SLC36A1: variants seen among roughly 807,000 people sequenced by gnomAD.
The protein encoded by SLC36A1 is proton-coupled amino acid transporter 1.
A neutral mutation model predicts 47.5 loss-of-function variants in SLC36A1; 30 were observed. The ratio of observed to expected loss-of-function variants is 0.63; its 90% CI spans 0.47 to 0.86. The LOEUF (loss-of-function observed/expected upper bound fraction) is 0.86. SLC36A1 is among the 40% of genes least tolerant of loss of function. The pLI is 0.00. For missense variants in SLC36A1, 517 were observed against 606.0 expected (o/e 0.85, Z 1.54); for synonymous variants, 255 against 249.7 (o/e 1.02, Z -0.20).
At chr5:151,392,559 A>G in the SLC36A1 span, among the ~76,000 whole-genome samples, 11 of 152,184 alleles carry the variant, frequency 7.2e-5, no homozygotes, top group Non-Finnish European at 1.3e-4. Flanking sequence ...ATTTCCCTCT[A>G]CACTCTGCCT....
chr5:151,510,834 A>C, the SLC36A1 span: 1 of 152,396 alleles, frequency 6.6e-6, no homozygotes, highest in African/African-American at 2.4e-5. Context: ...GCGGAAGAGA[A>C]GAGTGCGTGC....
intron 4 of SLC36A1, 128 bp downstream of exon 4, chr5:151,464,730 A>G: frequency 1.3e-6 from 1 of 785,902 alleles, no homozygotes; most frequent in East Asian, 2.7e-5. Flanking sequence ...GCAGCTTATG[A>G]TTGCAGCGTT....
chr5:151,375,311 A>G, the SLC36A1 span, among the ~76,000 whole-genome samples: 2 of 152,136 alleles, frequency 1.3e-5, no homozygotes, highest in African/African-American at 2.4e-5. Context: ...ATTTATTGAA[A>G]AGGGTATCCT....
chr5:151,521,803 T>C, the SLC36A1 span: 1 of 1,614,146 alleles, frequency 6.2e-7, no homozygotes, highest in Non-Finnish European at 8.5e-7. Context: ...GAACGAGTAG[T>C]GGCCACGAGG....
At chr5:151,544,901 A>G in the SLC36A1 span, 1 of 1,614,138 alleles carries the variant, frequency 6.2e-7, no homozygotes, top group Non-Finnish European at 8.5e-7. Flanking sequence ...ATGATTGTGT[A>G]ATAGGGCAGA....
chr5:151,403,839 A>G, the SLC36A1 span, among the ~76,000 whole-genome samples: 1 of 152,212 alleles, frequency 6.6e-6, no homozygotes, highest in South Asian at 2.1e-4. Flanking sequence ...TTTATGGTCA[A>G]GCATGTGGTT....
At chr5:151,433,157 T>C (rs1759468201), upstream of SLC36A1, among the ~76,000 whole-genome samples, 1 of 134,024 alleles carries the variant, frequency 7.5e-6, no homozygotes, top group Non-Finnish European at 1.5e-5. Flanking sequence ...ATTACCATGG[T>C]AATATGACAG....
intron 7 of SLC36A1, among the ~76,000 whole-genome samples, chr5:151,471,178 G>A (rs1028106405): frequency 6.6e-6 from 1 of 152,114 alleles, no homozygotes; most frequent in Admixed American, 6.5e-5. Context: ...TCTCATCAAT[G>A]TTATAACAAA....
At position 151,492,022 on chromosome 5, in the gene SLC36A1, A is replaced by G. The variant is rs1760164992; in HGVS notation, c.*3768A>G. ...AGAGGACATAAATGGTGCTGGTAGG[A>G]GGTTATCAGAGTAAGGAAGGTAGCA... On this transcript the variant is annotated 3_prime_UTR_variant, in exon 11 of 11. Coordinates refer to ENST00000243389, the MANE Select transcript of SLC36A1 (RefSeq NM_078483.4). 6.6e-6 allele frequency: 1 copy of G among 152,210 alleles called. No individual in the cohort carries two copies. Among genetic ancestry groups the G allele is most frequent in the Non-Finnish European group, 1.5e-5 (1 of 68,070 alleles). 9.4% of individuals were successfully genotyped at this position (152,210 alleles called of 1,614,324 possible).
chr5:151,423,483 A>C, the SLC36A1 span, among the ~76,000 whole-genome samples: 1 of 152,360 alleles, frequency 6.6e-6, no homozygotes, highest in Non-Finnish European at 1.5e-5. Flanking sequence ...TCAAGTCATA[A>C]AAAGACATGG....
At chr5:151,543,631 T>C in the SLC36A1 span, 1 of 1,614,190 alleles carries the variant, frequency 6.2e-7, no homozygotes, top group Non-Finnish European at 8.5e-7. Context: ...ATCAATCACC[T>C]TGGTTCCAAC....
chr5:151,410,194 T>A, the SLC36A1 span, among the ~76,000 whole-genome samples: 1 of 152,110 alleles, frequency 6.6e-6, no homozygotes, highest in Non-Finnish European at 1.5e-5. Context: ...AGGAACTTTA[T>A]CTGATTTGTT....
intron 10 of SLC36A1, 102 bp downstream of exon 10, chr5:151,479,591 T>C: frequency 2.2e-6 from 3 of 1,382,250 alleles, no homozygotes; most frequent in Non-Finnish European, 3.0e-6. Flanking sequence ...TGAAGCTGGC[T>C]ATGTTTGTGA....
the SLC36A1 span, chr5:151,510,336 G>T: frequency 1.4e-6 from 1 of 733,120 alleles, no homozygotes; most frequent in Non-Finnish European, 2.2e-6. Context: ...GTGCCCTGCT[G>T]AACCAAGAGC....
the SLC36A1 span, among the ~76,000 whole-genome samples, chr5:151,388,307 GACGGTCCA>G: frequency 4.6e-5 from 7 of 152,168 alleles, no homozygotes; most frequent in South Asian, 1.5e-3. Flanking sequence ...TTCAAGACCA[GACGGTCCA>G]ACATGGAAAA....
At chr5:151,542,799 A>C in the SLC36A1 span, 5 of 1,614,070 alleles carry the variant, frequency 3.1e-6, no homozygotes, top group Non-Finnish European at 4.2e-6. Context: ...AGGACACCAC[A>C]TCAGTGTTCT....
chr5:151,398,057 A>G, the SLC36A1 span, among the ~76,000 whole-genome samples: 1 of 152,134 alleles, frequency 6.6e-6, no homozygotes, highest in Non-Finnish European at 1.5e-5. Context: ...GGTTGAGGCT[A>G]TAGTAAGCCA....
Position 151,440,038 on chromosome 5 carries a change from C to G in SLC36A1, c.-6+2859C>G, listed in dbSNP as rs78046677. Reference sequence around the variant, plus strand: ...ATCATAATGCTGATGAATGCTTATACTACAGCGAAGAATTACCCAGACCAC... The same window carrying G: ...ATCATAATGCTGATGAATGCTTATAGTACAGCGAAGAATTACCCAGACCAC... On this transcript the variant is annotated intron_variant, in intron 1 of 8. Transcript: ENST00000429484. 3.4e-3 allele frequency among the ~76,000 whole-genome samples: 511 copies of G among 152,292 alleles called. 2 individuals are homozygous for G. The highest frequency in any genetic ancestry group is 0.011 in the African/African-American group (472 of 41,550).
At chr5:151,477,613 A>T (rs532392577) in intron 9 of SLC36A1, 2 of 152,206 alleles carry the variant, frequency 1.3e-5, no homozygotes, top group South Asian at 2.1e-4. Context: ...ATTCTTTTTC[A>T]GTTGATTTTA....
Sources: allele counts gnomAD v4.1 joint callset (sites outside exome capture counted in the v4.1 genomes callset), GRCh38; gene constraint gnomAD v4.1.1; transcripts MANE v1.5; gene names NCBI Gene and HGNC (gene_info 2026-07-23, HGNC 2026-07-21).